NARF: variants seen among roughly 807,000 people sequenced by gnomAD.
The protein encoded by NARF is nuclear prelamin A recognition factor.
Under a neutral mutation model 48.0 loss-of-function variants are expected in NARF, and 41 were observed. That is an observed-to-expected ratio of 0.85 (90% CI 0.66 to 1.11). The LOEUF (loss-of-function observed/expected upper bound fraction) is 1.11, where lower values mean the gene tolerates loss of function less well. Ranked by LOEUF, NARF falls within the 50% of genes least tolerant of loss-of-function variation. NARF has a pLI of 0.00. For synonymous variants in NARF, 215 were observed against 225.5 expected (o/e 0.95, Z 0.42); for missense variants, 613 against 590.2 (o/e 1.04, Z -0.40).
intron 7 of NARF, chr17:82,483,301 G>A (rs117262637): frequency 0.025 from 8,522 of 341,842 alleles, 147 homozygotes; most frequent in Admixed American, 0.044. Flanking sequence ...CCTGGGCGGC[G>A]GAGGTGAGAC....
chr17:82,472,640 C>G lies in NARF; in HGVS notation c.462C>G (p.Arg154=), dbSNP rs780868789. 2 of 1,614,072 alleles carry G rather than the reference C, an allele frequency of 1.2e-6. No homozygotes were observed. The highest frequency in any genetic ancestry group is 2.2e-5 in the South Asian group (2 of 91,074). The part of the protein sequence containing the change: ...ILESQKEFVR[R]YRQHSEEERT... ...AGAGTCAAAAAGAATTCGTGCGTCGCTATCGCCAGCACAGTGAGGAGGAAC... is the reference window on the plus strand; with the variant it reads ...AGAGTCAAAAAGAATTCGTGCGTCGGTATCGCCAGCACAGTGAGGAGGAAC... The change falls in exon 5 of 11, where the codon CGC becomes CGG. Residue 154 remains arginine (R), a synonymous_variant. Coordinates refer to ENST00000309794, the MANE Select transcript of NARF (RefSeq NM_012336.4).
chr17:82,478,995 C>G lies in NARF; in HGVS notation c.639+77C>G, dbSNP rs1227220262. 4 of 1,390,442 alleles carry G rather than the reference C, an allele frequency of 2.9e-6. No individual in the cohort carries two copies. The African/African-American group carries it at 4.3e-5, about 15-fold the overall frequency. 86.1% of individuals were successfully genotyped at this position (1,390,442 alleles called of 1,614,324 possible). A position where few individuals can be genotyped will look rare whatever the true frequency, so the allele number is the denominator to read the frequency against. On this transcript the variant is annotated intron_variant, in intron 6 of 10. Transcript: ENST00000309794. ...CACAGGGGCCCAGGAAGGGGAGGTTCCCCATCTGTCCAGCGTGGTCACGGC... is the reference window on the plus strand; with the variant it reads ...CACAGGGGCCCAGGAAGGGGAGGTTGCCCATCTGTCCAGCGTGGTCACGGC...
intron 5 of NARF, among the ~76,000 whole-genome samples, chr17:82,474,198 C>T (rs756838559): frequency 3.3e-5 from 5 of 152,106 alleles, no homozygotes; most frequent in Non-Finnish European, 7.4e-5. Flanking sequence ...AATCCGTTTT[C>T]TCTTGAAAGT....
intron 4 of NARF, among the ~76,000 whole-genome samples, chr17:82,471,675 C>A (rs2043710774): frequency 6.8e-6 from 1 of 147,030 alleles, no homozygotes; most frequent in African/African-American, 2.5e-5. Context: ...GCCTGTAGTC[C>A]CAGCTACTCG....
chr17:82,458,921 C>T (rs1038973232), intron 1 of NARF, 91 bp downstream of exon 1: 3 of 1,280,264 alleles, frequency 2.3e-6, no homozygotes, highest in Non-Finnish European at 2.0e-6. Flanking sequence ...CCGCCGCTCG[C>T]TCGCTTCAGG....
At chr17:82,480,101 G>C (rs1338194209) in intron 6 of NARF, 4 of 227,118 alleles carry the variant, frequency 1.8e-5, no homozygotes, top group Non-Finnish European at 2.6e-5. Flanking sequence ...CTCCGCCCCT[G>C]CCCTGAGTGG....
chr17:82,481,356 T>C, intron 7 of NARF, 145 bp downstream of exon 7: 1 of 1,236,268 alleles, frequency 8.1e-7, no homozygotes, highest in South Asian at 1.5e-5. Context: ...CAGCTGAGGG[T>C]CCTAGGGGCT....
chr17:82,458,737 T>G (rs987839684), upstream of NARF: 4 of 1,462,496 alleles, frequency 2.7e-6, no homozygotes, highest in African/African-American at 5.9e-5. Context: ...CGGCGGGCAG[T>G]GGTGTCCCAG....
intron 2 of NARF, among the ~76,000 whole-genome samples, chr17:82,462,006 G>C (rs1211288000): frequency 6.6e-6 from 1 of 152,172 alleles, no homozygotes; most frequent in Non-Finnish European, 1.5e-5. Context: ...GCCGACCCCA[G>C]GGGCCTCCCT....
At chr17:82,467,360 T>G (rs1469839313) in intron 3 of NARF, among the ~76,000 whole-genome samples, 1 of 152,232 alleles carries the variant, frequency 6.6e-6, no homozygotes, top group Admixed American at 6.5e-5. Context: ...GACTCTTATA[T>G]CTGAACCTGT....
At chr17:82,472,028 C>T (rs1402387766) in intron 4 of NARF, among the ~76,000 whole-genome samples, 5 of 152,054 alleles carry the variant, frequency 3.3e-5, no homozygotes, top group Non-Finnish European at 7.4e-5. Flanking sequence ...ATCATACACG[C>T]TCATTGTTTA....
At chr17:82,466,495 C>T (rs1352643194) in intron 3 of NARF, among the ~76,000 whole-genome samples, 1 of 152,136 alleles carries the variant, frequency 6.6e-6, no homozygotes, top group African/African-American at 2.4e-5. Flanking sequence ...CACTGTCTCT[C>T]AGGCTGGGGT....
chr17:82,475,094 G>GA, intron 5 of NARF, among the ~76,000 whole-genome samples: 1 of 152,218 alleles, frequency 6.6e-6, no homozygotes. Context: ...AGCAACCTGG[G>GA]AGTACCTGGT....
In NARF at chr17:82,466,700, G is replaced by A. The variant is rs565589777; in HGVS notation, c.253-2064G>A. Among the ~76,000 whole-genome samples, 793 of 152,146 alleles carry A rather than the reference G, an allele frequency of 5.2e-3. 10 individuals are homozygous for A. Among genetic ancestry groups the A allele is most frequent in the Admixed American group, 3.9e-3 (59 of 15,286 alleles). ...ACTCCTGACCTCAAGTGATGTGCTC[G>A]CCTCGGCCTCCCAAAGTGCTGGGAT... On this transcript the variant is annotated intron_variant, in intron 3 of 10. Transcript: ENST00000309794.
intron 5 of NARF, among the ~76,000 whole-genome samples, chr17:82,473,218 G>T (rs900566898): frequency 3.9e-5 from 6 of 152,126 alleles, no homozygotes; most frequent in African/African-American, 1.4e-4. Flanking sequence ...TGGGATTACA[G>T]GCGTGAGCCA....
At chr17:82,467,858 T>TTTTA (rs1165683056) in intron 3 of NARF, among the ~76,000 whole-genome samples, 2 of 152,218 alleles carry the variant, frequency 1.3e-5, no homozygotes, top group East Asian at 3.8e-4. Context: ...TGTCTGTTTT[T>TTTTA]TTTATTGTTG....
chr17:82,461,986 C>T (rs530237799), intron 2 of NARF, among the ~76,000 whole-genome samples: 13 of 152,164 alleles, frequency 8.5e-5, no homozygotes, highest in South Asian at 2.1e-4. Context: ...GGGGCCAGTG[C>T]GCCTGAGTGG....
chr17:82,483,241 C>G, intron 7 of NARF: 1 of 383,030 alleles, frequency 2.6e-6, no homozygotes, highest in Admixed American at 3.2e-5. Context: ...ATCACTTGAA[C>G]CCGGGAGGCA....
Position 82,465,322 on chromosome 17 carries a change from AAG to A in NARF, c.252+896_252+897del, listed in dbSNP as rs550495862. Among the ~76,000 whole-genome samples, 50 of 152,300 alleles carry A rather than the reference AAG, an allele frequency of 3.3e-4. 1 individual carries two copies. The South Asian group carries it at 9.7e-3, about 30-fold the overall frequency. On this transcript the variant is annotated intron_variant, in intron 3 of 10. Coordinates refer to ENST00000309794, the MANE Select transcript of NARF (RefSeq NM_012336.4). ...CAAACCATATCACAGGTGAAAGAGA[AAG>A]AGACAAAGGCAGATGAGGCTGAAAA... is the stretch of plus-strand genomic sequence containing the variant.
Sources: gnomAD v4.1 joint callset for allele counts (sites outside exome capture counted in the v4.1 genomes callset) on GRCh38, gnomAD v4.1.1 for gene constraint, MANE v1.5 for transcripts, NCBI Gene and HGNC (gene_info 2026-07-23, HGNC 2026-07-21) for gene names.